HDAC9: variants seen among roughly 807,000 people sequenced by gnomAD.
HDAC9 encodes the protein MEF-2 interacting transcription repressor (MITR) protein.
A neutral mutation model predicts 139.4 loss-of-function variants in HDAC9; 41 were observed. The observed-to-expected ratio is 0.29, with a 90% CI of 0.23 to 0.38. HDAC9 has a LOEUF of 0.38. Ranked by LOEUF, HDAC9 falls within the 10% of genes least tolerant of loss-of-function variation. The pLI is 1.00. For synonymous variants in HDAC9, 517 were observed against 476.2 expected, an observed-to-expected ratio of 1.09 and a Z score of -1.12; for missense variants, 1,147 against 1,297.0, an observed-to-expected ratio of 0.88 and a Z score of 1.78.
chr7:18,568,020 G>GTATGTGTGTATATATA (rs1822965523), intron 2 of HDAC9, among the ~76,000 whole-genome samples: 1 of 48,848 alleles, frequency 2.0e-5, no homozygotes, highest in Non-Finnish European at 3.4e-5. Flanking sequence ...CAGGATATAT[G>GTATGTGTGTATATATA]TATATGTATA....
chr7:18,156,085 C>T (rs984947041), intron 1 of HDAC9, among the ~76,000 whole-genome samples: 4 of 152,110 alleles, frequency 2.6e-5, no homozygotes, highest in African/African-American at 4.8e-5. Context: ...TGAAGGGAAA[C>T]GAGTATCCTT....
intron 2 of HDAC9, among the ~76,000 whole-genome samples, chr7:18,183,036 G>C (rs535490538): frequency 6.7e-6 from 1 of 148,446 alleles, no homozygotes; most frequent in Admixed American, 6.7e-5. Flanking sequence ...TTGAGACGGA[G>C]TCTCACTCTG....
At position 18,783,282 on chromosome 7, in the gene HDAC9, A is replaced by C. The variant is rs11974250; in HGVS notation, c.2215-10063A>C. ...TTTATCCAAATAGAACTCTTTCTTT[A>C]AACAGTTTGCAAAGAAAAGCATTTC... is the stretch of plus-strand genomic sequence containing the variant. On this transcript the variant is annotated intron_variant, in intron 16 of 25. Coordinates refer to ENST00000686413, the MANE Select transcript of HDAC9 (RefSeq NM_178425.4). Among the ~76,000 whole-genome samples, 261 of 152,206 alleles carry C rather than the reference A, an allele frequency of 1.7e-3. 1 individual carries two copies. Among genetic ancestry groups the C allele is most frequent in the African/African-American group, 5.9e-3 (247 of 41,542 alleles).
intron 2 of HDAC9, among the ~76,000 whole-genome samples, chr7:18,194,014 C>A (rs1342199555): frequency 2.0e-5 from 3 of 152,120 alleles, no homozygotes; most frequent in Non-Finnish European, 2.9e-5. Flanking sequence ...TCCCAAATGG[C>A]ACGATGAGCC....
At chr7:18,535,919 C>G (rs1444644786) in intron 2 of HDAC9, among the ~76,000 whole-genome samples, 2 of 151,976 alleles carry the variant, frequency 1.3e-5, no homozygotes, top group African/African-American at 4.8e-5. Flanking sequence ...AGATGGTAGC[C>G]AAAGCAACTC....
At chr7:18,160,049 T>C (rs1787516113) in intron 1 of HDAC9, among the ~76,000 whole-genome samples, 1 of 152,308 alleles carries the variant, frequency 6.6e-6, no homozygotes, top group East Asian at 1.9e-4. Flanking sequence ...TTTGTGGAAA[T>C]AAGTGGGAGA....
chr7:18,797,531 AT>A (rs1204670223), intron 17 of HDAC9, among the ~76,000 whole-genome samples: 1 of 152,082 alleles, frequency 6.6e-6, no homozygotes, highest in South Asian at 2.1e-4. Context: ...AATCTATTAT[AT>A]TTTTTTAAAT....
At chr7:18,588,884 A>G (rs914778447) in intron 3 of HDAC9, among the ~76,000 whole-genome samples, 2 of 152,200 alleles carry the variant, frequency 1.3e-5, no homozygotes, top group African/African-American at 4.8e-5. Flanking sequence ...GCATCATGTC[A>G]GTGCTCAAAC....
intron 1 of HDAC9, among the ~76,000 whole-genome samples, chr7:18,366,610 C>A (rs1784199951): frequency 6.6e-6 from 1 of 152,014 alleles, no homozygotes; most frequent in African/African-American, 2.4e-5. Flanking sequence ...AATTCCATAA[C>A]CACATTTTTT....
chr7:18,692,230 A>C (rs554720224), intron 12 of HDAC9, among the ~76,000 whole-genome samples: 5 of 152,124 alleles, frequency 3.3e-5, no homozygotes, highest in Non-Finnish European at 5.9e-5. Flanking sequence ...TTAAAACATC[A>C]GTCCAGGGAG....
At chr7:18,343,702 C>T (rs1483701774) in intron 1 of HDAC9, among the ~76,000 whole-genome samples, 2 of 151,882 alleles carry the variant, frequency 1.3e-5, no homozygotes, top group African/African-American at 4.8e-5. Context: ...CTTTTGCCTT[C>T]TCTACTTTTC....
chr7:18,210,149 G>A (rs1334737880), intron 2 of HDAC9, among the ~76,000 whole-genome samples: 1 of 151,808 alleles, frequency 6.6e-6, no homozygotes, highest in East Asian at 1.9e-4. Flanking sequence ...ATGTTGTCTT[G>A]TTCATTGGGC....
At chr7:18,425,667 G>A (rs577919733) in intron 1 of HDAC9, among the ~76,000 whole-genome samples, 4 of 152,308 alleles carry the variant, frequency 2.6e-5, no homozygotes, top group African/African-American at 9.6e-5. Context: ...TGCCATGTGG[G>A]TAGTGGATTC....
intron 16 of HDAC9, among the ~76,000 whole-genome samples, chr7:18,778,728 C>T (rs545187607): frequency 3.3e-4 from 50 of 152,104 alleles, no homozygotes; most frequent in South Asian, 6.2e-4. Flanking sequence ...ATGAGTCCCC[C>T]GGATCTTAAG....
chr7:18,821,746 C>G (rs1188540323), intron 17 of HDAC9, among the ~76,000 whole-genome samples: 1 of 152,220 alleles, frequency 6.6e-6, no homozygotes, highest in African/African-American at 2.4e-5. Flanking sequence ...AGGGCTCAAT[C>G]CCACAAGACT....
At chr7:18,598,897 A>G (rs1833189428) in intron 6 of HDAC9, among the ~76,000 whole-genome samples, 1 of 152,222 alleles carries the variant, frequency 6.6e-6, no homozygotes, top group Admixed American at 6.5e-5. Context: ...GGTATCCAAA[A>G]GAAGCAGCAG....
At chr7:18,450,759 T>G (rs1792742661) in intron 1 of HDAC9, among the ~76,000 whole-genome samples, 1 of 152,198 alleles carries the variant, frequency 6.6e-6, no homozygotes, top group African/African-American at 2.4e-5. Flanking sequence ...TTTTATTCTA[T>G]TTTTTAGGAA....
At chr7:18,904,938 G>A (rs1365054632) in intron 22 of HDAC9, among the ~76,000 whole-genome samples, 1 of 150,494 alleles carries the variant, frequency 6.6e-6, no homozygotes, top group African/African-American at 2.4e-5. Flanking sequence ...TTGGTCTATT[G>A]CCCAGGCTGG....
At chr7:18,164,394 A>G (rs978996956) in intron 2 of HDAC9, among the ~76,000 whole-genome samples, 3 of 152,208 alleles carry the variant, frequency 2.0e-5, no homozygotes, top group Non-Finnish European at 4.4e-5. Context: ...AGAAAAAAAT[A>G]TGTTTTTCTT....
Sources: gnomAD v4.1 joint callset for allele counts (sites outside exome capture counted in the v4.1 genomes callset) on GRCh38, gnomAD v4.1.1 for gene constraint, MANE v1.5 for transcripts, NCBI Gene and HGNC (gene_info 2026-07-23, HGNC 2026-07-21) for gene names.